The following CCDC178 variants were observed in gnomAD, a reference collection of about 807,000 sequenced individuals.
CCDC178 encodes coiled-coil domain-containing protein 178.
CCDC178 carries 126 observed loss-of-function variants against 117.4 expected under a neutral mutation model. That is an observed-to-expected ratio of 1.07 (90% CI 0.93 to 1.24). The LOEUF is 1.24. CCDC178 is among the 50% of genes most tolerant of loss of function. The pLI is 0.00. For missense variants in CCDC178, 1,030 were observed against 986.9 expected, an observed-to-expected ratio of 1.04 and a Z score of -0.59; for synonymous variants, 283 against 313.4, an observed-to-expected ratio of 0.90 and a Z score of 1.02.
chr18:33,277,287 A>G (rs2059962554), intron 12 of CCDC178, among the ~76,000 whole-genome samples: 1 of 152,146 alleles, frequency 6.6e-6, no homozygotes, highest in African/African-American at 2.4e-5. Flanking sequence ...TACTTCATAA[A>G]CCAAATATAA....
intron 5 of CCDC178, among the ~76,000 whole-genome samples, chr18:33,382,858 G>A (rs1012796298): frequency 2.0e-5 from 3 of 152,174 alleles, no homozygotes; most frequent in African/African-American, 7.2e-5. Context: ...CTGAAGCCAG[G>A]GAGCCAGCAG....
Position 32,958,237 on chromosome 18 carries a change from A to G in CCDC178, c.2523+16310T>C, listed in dbSNP as rs1469644764. 3 of 555,628 alleles carry G rather than the reference A, an allele frequency of 5.4e-6. No homozygotes were observed. In the East Asian group the frequency reaches 9.5e-5, roughly 18 times the overall value. 34.4% of individuals were successfully genotyped at this position (555,628 alleles called of 1,614,324 possible). A position where few individuals can be genotyped will look rare whatever the true frequency, so the allele number is the denominator to read the frequency against. On this transcript the variant is annotated intron_variant, in intron 22 of 22. Transcript: ENST00000383096. ...CATACTGGTTCTGTAAAACAAAAAC[A>G]TAGTTAGTGATTATACTAAAATTAT... is the stretch of plus-strand genomic sequence containing the variant.
At chr18:32,939,796 C>G (rs899775735) in intron 22 of CCDC178, among the ~76,000 whole-genome samples, 2 of 152,070 alleles carry the variant, frequency 1.3e-5, no homozygotes, top group African/African-American at 4.8e-5. Flanking sequence ...AGACACCTGT[C>G]AGTAATCAAA....
chr18:33,325,347 G>A (rs2062570114), intron 10 of CCDC178, among the ~76,000 whole-genome samples: 1 of 151,638 alleles, frequency 6.6e-6, no homozygotes, highest in South Asian at 2.1e-4. Flanking sequence ...TTAAACCATT[G>A]GCACAGTGCT....
intron 12 of CCDC178, among the ~76,000 whole-genome samples, chr18:33,283,904 G>C (rs879022717): frequency 1.3e-5 from 2 of 150,656 alleles, no homozygotes; most frequent in Non-Finnish European, 2.9e-5. Context: ...CCCATTACTG[G>C]GTACATACCC....
At chr18:33,135,037 AT>A (rs754878220) in intron 20 of CCDC178, among the ~76,000 whole-genome samples, 5 of 152,180 alleles carry the variant, frequency 3.3e-5, no homozygotes, top group Admixed American at 6.5e-5. Flanking sequence ...TCAGAAAAAA[AT>A]AAAATTAAAA....
intron 21 of CCDC178, among the ~76,000 whole-genome samples, chr18:33,030,634 G>C (rs1419194543): frequency 6.6e-6 from 1 of 151,858 alleles, no homozygotes; most frequent in Non-Finnish European, 1.5e-5. Context: ...ATAGATGATA[G>C]ATCAATAGAT....
chr18:33,109,124 G>A (rs1681881633), intron 20 of CCDC178, among the ~76,000 whole-genome samples: 1 of 151,598 alleles, frequency 6.6e-6, no homozygotes, highest in Non-Finnish European at 1.5e-5. Context: ...GTATGACAAT[G>A]AACGAAATAC....
At chr18:33,392,924 G>T (rs939310205) in intron 4 of CCDC178, among the ~76,000 whole-genome samples, 1 of 152,118 alleles carries the variant, frequency 6.6e-6, no homozygotes, top group Non-Finnish European at 1.5e-5. Context: ...ATACACTATA[G>T]AACTGTGTTA....
intron 20 of CCDC178, among the ~76,000 whole-genome samples, chr18:33,172,554 C>T (rs1046840394): frequency 2.0e-5 from 3 of 151,928 alleles, no homozygotes; most frequent in Non-Finnish European, 4.4e-5. Flanking sequence ...ATGCTATTTC[C>T]TAACCGTTAA....
At chr18:33,306,407 G>T (rs1340662237) in intron 11 of CCDC178, among the ~76,000 whole-genome samples, 3 of 70,518 alleles carry the variant, frequency 4.3e-5, no homozygotes, top group African/African-American at 1.0e-4. Context: ...ACAGCTATTG[G>T]ATCTTTGTGT....
intron 22 of CCDC178, among the ~76,000 whole-genome samples, chr18:32,946,315 CTGT>C (rs959450773): frequency 6.6e-6 from 1 of 152,156 alleles, no homozygotes; most frequent in African/African-American, 2.4e-5. Context: ...TTGAATTTTA[CTGT>C]TATGTCAGTA....
At chr18:33,438,183 T>C (rs1447186412) in intron 2 of CCDC178, among the ~76,000 whole-genome samples, 1 of 152,096 alleles carries the variant, frequency 6.6e-6, no homozygotes, top group Non-Finnish European at 1.5e-5. Flanking sequence ...TTCCTAATTA[T>C]TGCCCCTGGT....
chr18:33,281,548 A>C (rs2060025944), intron 12 of CCDC178, among the ~76,000 whole-genome samples: 1 of 152,180 alleles, frequency 6.6e-6, no homozygotes, highest in South Asian at 2.1e-4. Flanking sequence ...AAAATTGTGA[A>C]CCAGTTGCCA....
At chr18:33,227,775 C>T in intron 15 of CCDC178, among the ~76,000 whole-genome samples, 1 of 151,724 alleles carries the variant, frequency 6.6e-6, no homozygotes, top group Non-Finnish European at 1.5e-5. Flanking sequence ...TTATGTTTAC[C>T]TCAAGCAAAA....
At chr18:33,384,336 A>G (rs1342909403) in intron 5 of CCDC178, among the ~76,000 whole-genome samples, 1 of 152,166 alleles carries the variant, frequency 6.6e-6, no homozygotes, top group Non-Finnish European at 1.5e-5. Flanking sequence ...AAGACAGGCC[A>G]ATTTTCAAAT....
chr18:33,287,799 T>A (rs1179889094), intron 12 of CCDC178, among the ~76,000 whole-genome samples: 3 of 152,002 alleles, frequency 2.0e-5, no homozygotes, highest in South Asian at 4.2e-4. Flanking sequence ...AATGAATAAA[T>A]AAATAAATAA....
chr18:33,420,457 G>A (rs1026154155), intron 2 of CCDC178, among the ~76,000 whole-genome samples: 3 of 152,060 alleles, frequency 2.0e-5, no homozygotes, highest in African/African-American at 4.8e-5. Context: ...AGGTTCAAGC[G>A]ATTCTCATGC....
intron 21 of CCDC178, among the ~76,000 whole-genome samples, chr18:33,022,897 G>C (rs1367752156): frequency 6.6e-6 from 1 of 151,984 alleles, no homozygotes; most frequent in Non-Finnish European, 1.5e-5. Context: ...GATGAAAAGT[G>C]ATATAAAGAC....
Sources: allele counts gnomAD v4.1 joint callset (sites outside exome capture counted in the v4.1 genomes callset), GRCh38; gene constraint gnomAD v4.1.1; transcripts MANE v1.5; gene names NCBI Gene and HGNC (gene_info 2026-07-23, HGNC 2026-07-21).